Variants in MROH1 observed in about 807,000 individuals in gnomAD.
MROH1 encodes the protein maestro heat-like repeat-containing protein family member 1.
Under a neutral mutation model 116.5 loss-of-function variants are expected in MROH1, and 117 were observed. That is an observed-to-expected ratio of 1.00 (90% CI 0.86 to 1.17). MROH1 has a LOEUF of 1.17. Ranked by LOEUF, MROH1 falls within the 50% of genes most tolerant of loss-of-function variation. The probability of loss-of-function intolerance (pLI) is 0.00; values close to 1 mark genes in which losing one functional copy is unlikely to be tolerated. For synonymous variants in MROH1, 921 were observed against 583.9 expected (o/e 1.58, Z -8.32); for missense variants, 1,873 against 1,338.5 (o/e 1.40, Z -6.23).
chr8:144,240,337 A>C (rs2132886340), intron 19 of MROH1, among the ~76,000 whole-genome samples, 184 bp downstream of exon 19: 1 of 152,252 alleles, frequency 6.6e-6, no homozygotes, highest in East Asian at 1.9e-4. Context: ...TGCTGTGACA[A>C]GGCACCGGCC....
chr8:144,220,794 C>T (rs1294126503), intron 13 of MROH1, 121 bp downstream of exon 13: 1 of 779,422 alleles, frequency 1.3e-6, no homozygotes, highest in Non-Finnish European at 2.1e-6. Flanking sequence ...CTGGACTGAG[C>T]TTGGGAACAA....
intron 12 of MROH1, among the ~76,000 whole-genome samples, chr8:144,206,425 CTTT>C (rs1054589954): frequency 1.5e-5 from 2 of 137,598 alleles, no homozygotes. Flanking sequence ...TGTTCATGTT[CTTT>C]TTTTTTTTTT....
intron 12 of MROH1, among the ~76,000 whole-genome samples, chr8:144,210,161 G>A (rs543147768): frequency 2.2e-4 from 34 of 152,186 alleles, no homozygotes; most frequent in South Asian, 1.0e-3. Flanking sequence ...ACCTATGGCC[G>A]GGTGCGGTGG....
chr8:144,165,153 ACT>A (rs1361575060), intron 3 of MROH1, among the ~76,000 whole-genome samples: 1 of 141,488 alleles, frequency 7.1e-6, no homozygotes, highest in African/African-American at 2.6e-5. Context: ...ATGGAGTCTC[ACT>A]CTGTCGCAGA....
At chr8:144,244,667 T>C in intron 28 of MROH1, 128 bp downstream of exon 28, 1 of 680,560 alleles carries the variant, frequency 1.5e-6, no homozygotes, top group South Asian at 1.6e-5. Flanking sequence ...TTGGGGGTGG[T>C]TTATGAACAG....
intron 33 of MROH1, among the ~76,000 whole-genome samples, chr8:144,254,065 C>T (rs1209500512): frequency 1.3e-5 from 2 of 152,288 alleles, no homozygotes; most frequent in Admixed American, 1.3e-4. Context: ...TCTGGGACAT[C>T]CATCAAATGT....
Position 144,182,187 on chromosome 8 carries a change from G to A in MROH1, c.562+1664G>A, listed in dbSNP as rs1034138000. On this transcript the variant is annotated intron_variant, in intron 7 of 43. Transcript: ENST00000326134. The surrounding 1 kb of genome is among the most constrained non-coding windows in gnomAD (Gnocchi z 4.1). ...GTGGTGGGGGCGGTGGCAGGCCTGCGTCCACTGCGGGAGGGTGCAGGTCCA... is the reference window on the plus strand; with the variant it reads ...GTGGTGGGGGCGGTGGCAGGCCTGCATCCACTGCGGGAGGGTGCAGGTCCA... Among the ~76,000 whole-genome samples, 9 of 152,220 alleles carry A rather than the reference G, an allele frequency of 5.9e-5. No individual in the cohort carries two copies. Among genetic ancestry groups the A allele is most frequent in the South Asian group, 2.1e-4 (1 of 4,834 alleles).
At chr8:144,252,454 G>A (rs1842986924) in intron 33 of MROH1, 1 of 152,116 alleles carries the variant, frequency 6.6e-6, no homozygotes, top group African/African-American at 2.4e-5. Context: ...GGATCACGAG[G>A]TCAGGAGATC....
intron 22 of MROH1, 60 bp downstream of exon 22, chr8:144,241,577 G>A (rs1840981886): frequency 5.2e-6 from 4 of 774,604 alleles, no homozygotes. Flanking sequence ...TTGAGGCTCA[G>A]GGGGTGCCCT....
chr8:144,174,881 T>C (rs1280400988), intron 4 of MROH1: 4 of 985,294 alleles, frequency 4.1e-6, no homozygotes, highest in African/African-American at 1.7e-5. Flanking sequence ...AGTCAGCCTG[T>C]CACCCTGCAC....
At chr8:144,198,989 C>T (rs1000834295) in intron 10 of MROH1, 133 bp from the exon 11 acceptor site, 14 of 770,574 alleles carry the variant, frequency 1.8e-5, no homozygotes, top group Non-Finnish European at 2.2e-5. Context: ...CTGGAGCGCC[C>T]GCTGCATGCT....
intron 33 of MROH1, 135 bp from the exon 34 acceptor site, chr8:144,254,678 T>C (rs1330705237): frequency 3.3e-6 from 2 of 608,126 alleles, no homozygotes; most frequent in Non-Finnish European, 5.9e-6. Flanking sequence ...CAAGAGGCCA[T>C]TTCCCAGCTG....
Position 144,260,895 on chromosome 8 carries a change from C to G in MROH1, c.4537-12C>G. The G allele has an allele frequency of 1.3e-6, 1 of 777,578 alleles. No individual in the cohort carries two copies. Among genetic ancestry groups the G allele is most frequent in the South Asian group, 1.3e-5 (1 of 74,542 alleles). The allele number at this position is 777,578 out of a possible 1,614,324, so 48.2% of individuals were successfully genotyped here. A position where few individuals can be genotyped will look rare whatever the true frequency, so the allele number is the denominator to read the frequency against. On this transcript the variant is annotated splice_polypyrimidine_tract_variant and intron_variant, in intron 40 of 43. Transcript: ENST00000326134. ...CCTCAACTGGACTTGGCCCCAGTGC[C>G]GCATCCCTTAGGCCTGCAGGTTTGC...
At chr8:144,204,170 G>T (rs1405853701) in intron 12 of MROH1, among the ~76,000 whole-genome samples, 10 of 152,184 alleles carry the variant, frequency 6.6e-5, no homozygotes, top group African/African-American at 2.4e-4. Context: ...GAATGCAGTG[G>T]TGCAGTCATA....
chr8:144,186,749 G>A (rs958295650), intron 7 of MROH1, among the ~76,000 whole-genome samples: 1 of 152,180 alleles, frequency 6.6e-6, no homozygotes, highest in Non-Finnish European at 1.5e-5. Flanking sequence ...CACACTGATC[G>A]ACATAAGAAG....
At chr8:144,149,374 C>T (rs1348010655) in intron 1 of MROH1, among the ~76,000 whole-genome samples, 3 of 152,190 alleles carry the variant, frequency 2.0e-5, no homozygotes, top group East Asian at 1.9e-4. Flanking sequence ...ACGTGCAGGC[C>T]GCTGTGGCTT....
At chr8:144,168,527 G>C in intron 4 of MROH1, 87 bp downstream of exon 4, 1 of 1,490,520 alleles carries the variant, frequency 6.7e-7, no homozygotes, top group East Asian at 2.3e-5. Context: ...GTCCAGCCAG[G>C]AGCAGTGGGT....
rs1377489037 is a variant in MROH1, at chr8:144,247,383, A to G, written c.2954A>G (p.Gln985Arg). Residue 985 changes from glutamine (Q) to arginine (R), a missense_variant, in exon 30 of 44, where the codon CAG (glutamine) becomes CGG (arginine). Transcript: ENST00000326134. Reference protein sequence around the residue: ...RCADLWPATRQEAVDCVYSLL... With the variant: ...RCADLWPATRREAVDCVYSLL... ...GCGGACCTGTGGCCTGCCACCCGCC[A>G]GGAGGCCGTGGACTGTGTCTACTCC... 10 of 771,352 alleles carry G rather than the reference A, an allele frequency of 1.3e-5. No individual in the cohort carries two copies. Among genetic ancestry groups the G allele is most frequent in the Non-Finnish European group, 2.2e-5 (9 of 414,028 alleles). The allele number at this position is 771,352 out of a possible 1,614,324, so 47.8% of individuals were successfully genotyped here.
At chr8:144,254,389 CT>C (rs1236872691) in intron 33 of MROH1, 3 of 166,628 alleles carry the variant, frequency 1.8e-5, no homozygotes, top group African/African-American at 7.2e-5. Flanking sequence ...GCGTAGCTGC[CT>C]CACGGTGCGT....
Sources: gnomAD v4.1 joint callset for allele counts (sites outside exome capture counted in the v4.1 genomes callset) on GRCh38, gnomAD v4.1.1 for gene constraint, Gnocchi (gnomAD v3.1) non-coding constraint, MANE v1.5 for transcripts, NCBI Gene and HGNC (gene_info 2026-07-23, HGNC 2026-07-21) for gene names.